The following UNC80 variants were observed in gnomAD, a reference collection of about 807,000 sequenced individuals.
The protein encoded by UNC80 is unc-80 subunit of NALCN channel complex.
In UNC80, 164 loss-of-function variants were observed where a neutral mutation model predicts 384.6. The ratio of observed to expected loss-of-function variants is 0.43; its 90% CI spans 0.38 to 0.49. The LOEUF (loss-of-function observed/expected upper bound fraction) is 0.49, where lower values mean the gene tolerates loss of function less well. Ranked by LOEUF, UNC80 falls within the 20% of genes least tolerant of loss-of-function variation. The pLI is 0.00. For synonymous variants in UNC80, 1,486 were observed against 1,527.8 expected, an observed-to-expected ratio of 0.97 and a Z score of 0.64; for missense variants, 3,330 against 4,143.0, an observed-to-expected ratio of 0.80 and a Z score of 5.39.
chr2:209,906,429 C>T (rs2088218269), intron 29 of UNC80, among the ~76,000 whole-genome samples: 1 of 152,062 alleles, frequency 6.6e-6, no homozygotes, highest in African/African-American at 2.4e-5. Flanking sequence ...AAAGTAAGTA[C>T]ATTTCATTGA....
At chr2:209,910,009 G>A (rs1559311482) in intron 29 of UNC80, among the ~76,000 whole-genome samples, 1 of 151,600 alleles carries the variant, frequency 6.6e-6, no homozygotes, top group Non-Finnish European at 1.5e-5. Context: ...TCTACTAGTG[G>A]TCCTTTGAAG....
chr2:209,867,242 G>A (rs544422934), intron 22 of UNC80, among the ~76,000 whole-genome samples: 21 of 152,152 alleles, frequency 1.4e-4, no homozygotes, highest in Non-Finnish European at 2.6e-4. Context: ...GAATATCTGG[G>A]GATGGAGCTA....
intron 29 of UNC80, among the ~76,000 whole-genome samples, chr2:209,906,040 T>C (rs1192233761): frequency 6.6e-6 from 1 of 152,208 alleles, no homozygotes; most frequent in Non-Finnish European, 1.5e-5. Context: ...GTGTCCTCTG[T>C]TGGCACAATA....
intron 46 of UNC80, among the ~76,000 whole-genome samples, 162 bp downstream of exon 46, chr2:209,945,351 A>AT (rs966622786): frequency 1.1e-4 from 16 of 152,046 alleles, no homozygotes; most frequent in African/African-American, 2.7e-4. Flanking sequence ...GAATGAGTAC[A>AT]TTTTTTTTCT....
At chr2:209,937,134 AG>A (rs1223496674) in intron 41 of UNC80, among the ~76,000 whole-genome samples, 3 of 152,214 alleles carry the variant, frequency 2.0e-5, no homozygotes, top group African/African-American at 7.2e-5. Flanking sequence ...TGTAAAATGA[AG>A]GTAATGATAA....
At chr2:209,942,143 G>A (rs2124980076) in intron 44 of UNC80, among the ~76,000 whole-genome samples, 1 of 152,278 alleles carries the variant, frequency 6.6e-6, no homozygotes, top group South Asian at 2.1e-4. Context: ...GAACCCTATT[G>A]TGAACTGTGC....
intron 36 of UNC80, among the ~76,000 whole-genome samples, chr2:209,928,749 A>G (rs754900969): frequency 6.6e-6 from 1 of 152,186 alleles, no homozygotes; most frequent in Non-Finnish European, 1.5e-5. Context: ...GTCACCCTAC[A>G]GTGCTAAAGA....
chr2:209,870,196 C>A (rs2084174972), intron 22 of UNC80, among the ~76,000 whole-genome samples: 1 of 152,112 alleles, frequency 6.6e-6, no homozygotes. Context: ...TTACCTATGT[C>A]TTTCTGTCAT....
intron 4 of UNC80, among the ~76,000 whole-genome samples, chr2:209,782,375 G>A (rs146145687): frequency 6.2e-4 from 95 of 152,024 alleles, no homozygotes; most frequent in African/African-American, 2.1e-3. Context: ...CTTGCTGACC[G>A]GAATGCCCTC....
At chr2:209,880,892 C>A in intron 24 of UNC80, 69 bp from the exon 25 acceptor site, 2 of 1,441,560 alleles carry the variant, frequency 1.4e-6, no homozygotes, top group South Asian at 1.3e-5. Flanking sequence ...TAGCTATGTC[C>A]ATCAAACTAT....
chr2:209,918,257 A>T lies in UNC80; in HGVS notation c.5212-275A>T, dbSNP rs565533410. Among the ~76,000 whole-genome samples the T allele has an allele frequency of 2.0e-5, 3 of 152,324 alleles. No individual in the cohort carries two copies. The East Asian group carries it at 5.8e-4, about 29-fold the overall frequency. ...TAAACATTTTGCTATATATAAACTT[A>T]CAGGTATGTTTTGGAGGATGGGTTG... On this transcript the variant is annotated intron_variant, in intron 32 of 64. Coordinates refer to ENST00000673920, the MANE Select transcript of UNC80 (RefSeq NM_001371986.1).
chr2:209,780,569 C>G (rs1457318988), intron 4 of UNC80, among the ~76,000 whole-genome samples: 2 of 152,162 alleles, frequency 1.3e-5, no homozygotes, highest in Non-Finnish European at 2.9e-5. Flanking sequence ...TTATGGGACA[C>G]TGTCCTATGC....
intron 7 of UNC80, among the ~76,000 whole-genome samples, chr2:209,806,903 T>G (rs1271064926): frequency 6.6e-6 from 1 of 152,208 alleles, no homozygotes; most frequent in African/African-American, 2.4e-5. Flanking sequence ...TTCCATAGAT[T>G]GTTATTTCCG....
chr2:209,774,931 C>T (rs2076780758), intron 2 of UNC80, among the ~76,000 whole-genome samples: 1 of 152,112 alleles, frequency 6.6e-6, no homozygotes, highest in Admixed American at 6.5e-5. Flanking sequence ...ACCTGTCTTT[C>T]TCACATTATT....
At chr2:209,907,770 C>T (rs1305192716) in intron 29 of UNC80, among the ~76,000 whole-genome samples, 1 of 152,152 alleles carries the variant, frequency 6.6e-6, no homozygotes, top group East Asian at 1.9e-4. Flanking sequence ...TGCATGATAA[C>T]CTAACAGAGT....
intron 13 of UNC80, among the ~76,000 whole-genome samples, chr2:209,823,853 G>A (rs2080314125): frequency 6.6e-6 from 1 of 151,908 alleles, no homozygotes; most frequent in African/African-American, 2.4e-5. Context: ...GCTAAAATCG[G>A]AATTCAAACT....
rs2081553582 is a variant in UNC80, at chr2:209,839,097, T to A, written c.3042-125T>A. 3.6e-6 allele frequency: 3 copies of A among 840,334 alleles called. No homozygotes were observed. The highest frequency in any genetic ancestry group is 2.4e-5 in the Admixed American group (1 of 42,462). 52.1% of individuals were successfully genotyped at this position (840,334 alleles called of 1,614,324 possible). The stretch of plus-strand genomic sequence containing the variant: ...CACTTCAATGCCCACTCTTCCCACA[T>A]TTCAGCCCATCAAAGATCATTTTGC... On this transcript the variant is annotated intron_variant, in intron 18 of 64. Coordinates refer to ENST00000673920, the MANE Select transcript of UNC80 (RefSeq NM_001371986.1). The surrounding 1 kb of genome is among the most constrained non-coding windows in gnomAD (Gnocchi z 4.1).
chr2:209,793,930 C>G (rs772308289), intron 7 of UNC80, 71 bp downstream of exon 7: 2 of 1,557,602 alleles, frequency 1.3e-6, no homozygotes, highest in South Asian at 2.3e-5. Flanking sequence ...TTTTTAACTA[C>G]TTCGATAGCC....
intron 21 of UNC80, among the ~76,000 whole-genome samples, chr2:209,846,421 A>T (rs1229805795): frequency 6.6e-6 from 1 of 152,022 alleles, no homozygotes; most frequent in African/African-American, 2.4e-5. Context: ...TTTTCAAGTA[A>T]TCAACACGTT....
Sources: gnomAD v4.1 joint callset for allele counts (sites outside exome capture counted in the v4.1 genomes callset) on GRCh38, gnomAD v4.1.1 for gene constraint, Gnocchi (gnomAD v3.1) non-coding constraint, MANE v1.5 for transcripts, NCBI Gene and HGNC (gene_info 2026-07-23, HGNC 2026-07-21) for gene names.